ARHGEF3: variants seen among roughly 807,000 people sequenced by gnomAD.
ARHGEF3 encodes Rho guanine nucleotide exchange factor 3.
ARHGEF3 carries 28 observed loss-of-function variants against 63.2 expected under a neutral mutation model. The ratio of observed to expected loss-of-function variants is 0.44; its 90% CI spans 0.33 to 0.61. The LOEUF (loss-of-function observed/expected upper bound fraction) is 0.61. Ranked by LOEUF, ARHGEF3 falls within the 20% of genes least tolerant of loss-of-function variation. The probability of loss-of-function intolerance (pLI) is 0.03; values close to 1 mark genes in which losing one functional copy is unlikely to be tolerated. For synonymous variants in ARHGEF3, 266 were observed against 254.2 expected (o/e 1.05, Z -0.44); for missense variants, 533 against 659.3 (o/e 0.81, Z 2.10).
chr3:57,013,412 G>C (rs1055533616), intron 2 of ARHGEF3, among the ~76,000 whole-genome samples: 4 of 151,848 alleles, frequency 2.6e-5, no homozygotes, highest in South Asian at 4.2e-4. Flanking sequence ...TGTCTAGCTT[G>C]GGGTTTGTGG....
At chr3:56,855,167 G>T (rs1468226656) in intron 4 of ARHGEF3, among the ~76,000 whole-genome samples, 2 of 151,928 alleles carry the variant, frequency 1.3e-5, no homozygotes, top group Non-Finnish European at 2.9e-5. Flanking sequence ...GAGAGGTGAG[G>T]GGCAGGAGGG....
chr3:56,881,308 C>T (rs555308860), intron 4 of ARHGEF3, among the ~76,000 whole-genome samples: 3 of 152,158 alleles, frequency 2.0e-5, no homozygotes, highest in Non-Finnish European at 2.9e-5. Context: ...TTCATGGTCT[C>T]CACAGAGGAG....
Position 57,039,444 on chromosome 3 carries a change from G to A in ARHGEF3, c.-27-4268C>T, listed in dbSNP as rs567612267. Among the ~76,000 whole-genome samples, 6 of 152,274 alleles carry A rather than the reference G, an allele frequency of 3.9e-5. No individual in the cohort carries two copies. In the South Asian group the frequency reaches 1.2e-3, roughly 32 times the overall value. On this transcript the variant is annotated intron_variant, in intron 1 of 12. Coordinates refer to the ARHGEF3 transcript ENST00000338458. ...GCTCCTAGGTACGCACGTGCACCAA[G>A]AGACATATTCTAGAATGTCCTCAGT...
At chr3:56,867,457 C>CTATT (rs36136849) in intron 4 of ARHGEF3, among the ~76,000 whole-genome samples, 6,308 of 149,704 alleles carry the variant, frequency 0.042, 459 homozygotes, top group African/African-American at 0.15. Context: ...AGTTAAAATG[C>CTATT]TATTTATTTA....
intron 3 of ARHGEF3, among the ~76,000 whole-genome samples, chr3:56,957,187 A>T (rs571529598): frequency 1.2e-3 from 183 of 152,368 alleles, no homozygotes; most frequent in African/African-American, 4.3e-3. Flanking sequence ...AGACATGCAC[A>T]TCTATTTCAG....
At chr3:56,776,811 C>T (rs1240847893) in intron 1 of ARHGEF3, among the ~76,000 whole-genome samples, 1 of 152,124 alleles carries the variant, frequency 6.6e-6, no homozygotes, top group Non-Finnish European at 1.5e-5. Flanking sequence ...CCAGACCAAG[C>T]TGGGCAAGGT....
chr3:56,760,927 C>T (rs1488397180), intron 2 of ARHGEF3, among the ~76,000 whole-genome samples: 1 of 152,114 alleles, frequency 6.6e-6, no homozygotes. Context: ...TCTTACTCCA[C>T]TCAGAAGGGA....
chr3:56,734,369 T>A, intron 8 of ARHGEF3, among the ~76,000 whole-genome samples: 1 of 152,152 alleles, frequency 6.6e-6, no homozygotes, highest in East Asian at 1.9e-4. Flanking sequence ...GGGAGCTAAA[T>A]CTTGGGTTCA....
intron 4 of ARHGEF3, among the ~76,000 whole-genome samples, chr3:56,878,891 T>A (rs2040679310): frequency 1.3e-5 from 2 of 152,224 alleles, no homozygotes; most frequent in African/African-American, 4.8e-5. Flanking sequence ...CCACTCTCCA[T>A]CTTTCTCATT....
chr3:56,979,697 C>A (rs1701253711), intron 2 of ARHGEF3, among the ~76,000 whole-genome samples: 1 of 152,254 alleles, frequency 6.6e-6, no homozygotes, highest in Admixed American at 6.5e-5. Context: ...AGGTCAGCTT[C>A]CCTGTCTTAA....
Position 56,753,387 on chromosome 3 carries a change from G to T in ARHGEF3, c.438+117C>A, listed in dbSNP as rs960719240. Reference sequence around the variant, plus strand: ...CACTTTCCCCACTGCTTGGTGTGTGGTAGCAGACCAGTCTTAGTCATAAAG... The same window carrying T: ...CACTTTCCCCACTGCTTGGTGTGTGTTAGCAGACCAGTCTTAGTCATAAAG... On this transcript the variant is annotated intron_variant, in intron 4 of 9. Transcript: ENST00000296315. The T allele has an allele frequency of 6.0e-6, 5 of 833,944 alleles. No homozygotes were observed. In the African/African-American group the frequency reaches 6.9e-5, roughly 11 times the overall value. The allele number at this position is 833,944 out of a possible 1,614,324, so 51.7% of individuals were successfully genotyped here. A position where few individuals can be genotyped will look rare whatever the true frequency, so the allele number is the denominator to read the frequency against.
At chr3:56,745,536 T>A in intron 6 of ARHGEF3, 74 bp from the exon 7 acceptor site, 1 of 1,545,066 alleles carries the variant, frequency 6.5e-7, no homozygotes. Flanking sequence ...GCATCATTTA[T>A]TGGGACTGAA....
intron 3 of ARHGEF3, among the ~76,000 whole-genome samples, chr3:56,890,812 G>T (rs2041093361): frequency 6.6e-6 from 1 of 152,198 alleles, no homozygotes; most frequent in Non-Finnish European, 1.5e-5. Context: ...TAATAACCAG[G>T]TGACCAGAGC....
At chr3:56,926,523 AT>A (rs1427494919) in intron 3 of ARHGEF3, among the ~76,000 whole-genome samples, 1 of 152,278 alleles carries the variant, frequency 6.6e-6, no homozygotes, top group Non-Finnish European at 1.5e-5. Flanking sequence ...AAAGCCAGGA[AT>A]TGTAATAACA....
intron 1 of ARHGEF3, among the ~76,000 whole-genome samples, chr3:56,781,844 C>T (rs1485694834): frequency 1.3e-5 from 2 of 152,100 alleles, no homozygotes; most frequent in Non-Finnish European, 2.9e-5. Context: ...GAATGTCTCC[C>T]AGCTGAATAG....
At chr3:56,809,432 T>C (rs941460853) in intron 4 of ARHGEF3, among the ~76,000 whole-genome samples, 8 of 152,212 alleles carry the variant, frequency 5.3e-5, no homozygotes, top group African/African-American at 1.9e-4. Context: ...AGTGATTAAA[T>C]GAAAACCCTA....
At chr3:56,903,855 A>T (rs1457824639) in intron 3 of ARHGEF3, among the ~76,000 whole-genome samples, 1 of 152,148 alleles carries the variant, frequency 6.6e-6, no homozygotes, top group South Asian at 2.1e-4. Flanking sequence ...CAATATACAC[A>T]GTATTAGAAA....
intron 8 of ARHGEF3, among the ~76,000 whole-genome samples, chr3:56,736,332 A>G (rs950312367): frequency 8.5e-5 from 13 of 152,200 alleles, no homozygotes; most frequent in Admixed American, 8.5e-4. Context: ...GGAGATATAC[A>G]CAGTTGCTAT....
intron 1 of ARHGEF3, among the ~76,000 whole-genome samples, chr3:57,067,997 A>T (rs1705658247): frequency 1.3e-5 from 2 of 152,004 alleles, no homozygotes; most frequent in Non-Finnish European, 2.9e-5. Flanking sequence ...CTCAAAAAAA[A>T]CAAAAACAAA....
Sources: gnomAD v4.1 joint callset for allele counts (sites outside exome capture counted in the v4.1 genomes callset) on GRCh38, gnomAD v4.1.1 for gene constraint, MANE v1.5 for transcripts, NCBI Gene and HGNC (gene_info 2026-07-23, HGNC 2026-07-21) for gene names.